TENM3: variants seen among roughly 807,000 people sequenced by gnomAD.
TENM3 encodes the protein teneurin-3.
In TENM3, 63 loss-of-function variants were observed where a neutral mutation model predicts 255.1. The observed-to-expected ratio is 0.25, with a 90% confidence interval of 0.20 to 0.30. The LOEUF is 0.30. TENM3 is among the 10% of genes least tolerant of loss of function. The pLI is 1.00. For synonymous variants in TENM3, 1,306 were observed against 1,322.3 expected (o/e 0.99, Z 0.27); for missense variants, 2,929 against 3,461.1 (o/e 0.85, Z 3.86).
the TENM3 span, among the ~76,000 whole-genome samples, chr4:182,013,006 C>CA: frequency 6.6e-6 from 1 of 151,702 alleles, no homozygotes; most frequent in African/African-American, 2.4e-5. Flanking sequence ...CAAAACAAAA[C>CA]AAAACAAAAA....
At chr4:182,281,760 C>T (rs578099810) in intron 1 of TENM3, among the ~76,000 whole-genome samples, 10 of 152,180 alleles carry the variant, frequency 6.6e-5, no homozygotes, top group Non-Finnish European at 1.3e-4. Context: ...TATTTTCAGA[C>T]GAAGTCTCAC....
chr4:182,650,889 A>ATATATATATATATATAT (rs1554007797), intron 5 of TENM3, among the ~76,000 whole-genome samples: 3 of 29,746 alleles, frequency 1.0e-4, no homozygotes, highest in Non-Finnish European at 1.1e-4. Flanking sequence ...AATAAAAAAA[A>ATATATATATATATATAT]ATATATATAT....
At chr4:181,719,380 C>G in the TENM3 span, among the ~76,000 whole-genome samples, 1 of 152,228 alleles carries the variant, frequency 6.6e-6, no homozygotes, top group African/African-American at 2.4e-5. Flanking sequence ...GATGCTATAA[C>G]AAAGTACCAC....
At chr4:182,604,168 T>A (rs184374375) in intron 4 of TENM3, among the ~76,000 whole-genome samples, 6 of 152,194 alleles carry the variant, frequency 3.9e-5, no homozygotes, top group African/African-American at 1.4e-4. Context: ...TAACATTTGC[T>A]CCTGCTGGAG....
At chr4:182,706,189 G>A (rs997346201) in intron 12 of TENM3, among the ~76,000 whole-genome samples, 6 of 152,172 alleles carry the variant, frequency 3.9e-5, no homozygotes, top group African/African-American at 1.4e-4. Context: ...TAACTATAAC[G>A]TTTATTTAGA....
intron 1 of TENM3, among the ~76,000 whole-genome samples, chr4:182,225,618 C>T (rs182238857): frequency 6.6e-6 from 1 of 152,150 alleles, no homozygotes; most frequent in East Asian, 1.9e-4. Context: ...CTGAGGCCCA[C>T]GGGAGGAGCC....
At chr4:181,789,197 T>A in the TENM3 span, among the ~76,000 whole-genome samples, 1 of 151,974 alleles carries the variant, frequency 6.6e-6, no homozygotes, top group Non-Finnish European at 1.5e-5. Flanking sequence ...TGTCTTCTGT[T>A]ATTTATAAAG....
intron 19 of TENM3, among the ~76,000 whole-genome samples, chr4:182,744,698 C>G (rs376674084): frequency 6.6e-6 from 1 of 152,052 alleles, no homozygotes; most frequent in African/African-American, 2.4e-5. Context: ...ATTAGCTTCC[C>G]GTAAATTCCT....
the TENM3 span, among the ~76,000 whole-genome samples, chr4:181,871,807 A>G: frequency 2.6e-5 from 4 of 152,100 alleles, no homozygotes; most frequent in African/African-American, 9.7e-5. Context: ...TCCTTCCTTC[A>G]TACATTGAAA....
the TENM3 span, among the ~76,000 whole-genome samples, chr4:181,951,139 T>C: frequency 6.6e-6 from 1 of 152,224 alleles, no homozygotes; most frequent in Non-Finnish European, 1.5e-5. Context: ...TTTCCCAGTT[T>C]TCTTTATTAA....
the TENM3 span, among the ~76,000 whole-genome samples, chr4:181,719,657 T>C: frequency 2.6e-5 from 4 of 152,192 alleles, no homozygotes; most frequent in African/African-American, 9.7e-5. Flanking sequence ...TCCCATCACC[T>C]TGAGGGTTAA....
intron 1 of TENM3, among the ~76,000 whole-genome samples, chr4:182,167,434 G>A (rs1751794071): frequency 6.6e-6 from 1 of 152,120 alleles, no homozygotes; most frequent in African/African-American, 2.4e-5. Context: ...CCTTGCTTTA[G>A]TATATTGATT....
intron 1 of TENM3, among the ~76,000 whole-genome samples, chr4:182,270,936 GT>G (rs1170050202): frequency 6.6e-6 from 1 of 152,146 alleles, no homozygotes; most frequent in African/African-American, 2.4e-5. Flanking sequence ...TGGATCCTGG[GT>G]TGATTGACAC....
intron 6 of TENM3, among the ~76,000 whole-genome samples, chr4:182,668,986 A>C (rs1020739170): frequency 2.6e-5 from 4 of 152,248 alleles, no homozygotes; most frequent in African/African-American, 9.6e-5. Context: ...CCAAGAGAGT[A>C]GATTAAATTA....
At chr4:181,499,628 G>A in the TENM3 span, among the ~76,000 whole-genome samples, 2 of 152,132 alleles carry the variant, frequency 1.3e-5, no homozygotes, top group East Asian at 3.8e-4. Context: ...AGAGTGCTGG[G>A]AATTTACACA....
At chr4:182,143,758 TTCAA>T (rs1184823901), upstream of TENM3, 1 of 152,858 alleles carries the variant, frequency 6.5e-6, no homozygotes, top group Non-Finnish European at 1.5e-5. The surrounding 1 kb of genome is among the most constrained non-coding windows in gnomAD (Gnocchi z 4.3). Context: ...CATTAGTGTT[TTCAA>T]TCGGCGGCGG....
chr4:182,051,829 G>A, the TENM3 span, among the ~76,000 whole-genome samples: 1 of 152,154 alleles, frequency 6.6e-6, no homozygotes, highest in Non-Finnish European at 1.5e-5. Flanking sequence ...AATACTTTGA[G>A]TACTTAAGAT....
intron 3 of TENM3, among the ~76,000 whole-genome samples, chr4:182,347,523 G>A (rs1323833080): frequency 1.3e-5 from 2 of 152,046 alleles, no homozygotes; most frequent in Non-Finnish European, 2.9e-5. Flanking sequence ...ATGTTCTTTG[G>A]GGACTGGATT....
chr4:182,437,953 A>G (rs1328374964), intron 3 of TENM3, among the ~76,000 whole-genome samples: 1 of 151,998 alleles, frequency 6.6e-6, no homozygotes, highest in South Asian at 2.1e-4. Context: ...TCCTGTCTCA[A>G]ATAAATAAAT....
Sources: allele counts gnomAD v4.1 joint callset (sites outside exome capture counted in the v4.1 genomes callset), GRCh38; gene constraint gnomAD v4.1.1; non-coding constraint Gnocchi (gnomAD v3.1); transcripts MANE v1.5; gene names NCBI Gene and HGNC (gene_info 2026-07-23, HGNC 2026-07-21).